Variants in TMEM68 observed in about 807,000 individuals in gnomAD.
TMEM68 encodes the protein transmembrane protein 68.
TMEM68 carries 25 observed loss-of-function variants against 36.9 expected under a neutral mutation model. The observed-to-expected ratio is 0.68, with a 90% confidence interval of 0.49 to 0.95. TMEM68 has a LOEUF of 0.95. Ranked by LOEUF, TMEM68 falls within the 40% of genes least tolerant of loss-of-function variation. TMEM68 has a pLI of 0.00. For synonymous variants in TMEM68, 131 were observed against 124.4 expected (o/e 1.05, Z -0.35); for missense variants, 333 against 392.0 (o/e 0.85, Z 1.27).
At chr8:55,771,149 C>T (rs571735606) in intron 1 of TMEM68, among the ~76,000 whole-genome samples, 4 of 145,364 alleles carry the variant, frequency 2.8e-5, no homozygotes, top group African/African-American at 5.0e-5. Flanking sequence ...AATGAATCTC[C>T]GTCTCCAAAA....
In TMEM68 at chr8:55,759,309, G is replaced by A. The variant is rs140781145; in HGVS notation, c.326-2898C>T. ...ATACAGTCCGGGCACAGTGGCTCGT[G>A]CCTATAATACCAGCACTTTGGGAGG... On this transcript the variant is annotated intron_variant, in intron 3 of 7. Transcript: ENST00000434581. Among the ~76,000 whole-genome samples, 461 of 151,698 alleles carry A rather than the reference G, an allele frequency of 3.0e-3. 2 individuals carry two copies. The highest frequency in any genetic ancestry group is 0.011 in the African/African-American group (442 of 41,364).
chr8:55,764,754 C>T (rs529481252), intron 1 of TMEM68, among the ~76,000 whole-genome samples: 2 of 152,182 alleles, frequency 1.3e-5, no homozygotes, highest in East Asian at 3.9e-4. Context: ...TTATTTACAT[C>T]ATCATCTAAT....
intron 1 of TMEM68, among the ~76,000 whole-genome samples, chr8:55,771,256 TAATA>T (rs1811148784): frequency 6.6e-6 from 1 of 152,022 alleles, no homozygotes; most frequent in Admixed American, 6.6e-5. Flanking sequence ...TTTCAAAAAC[TAATA>T]AATCAGAACA....
chr8:55,763,107 A>T (rs1196403930), intron 2 of TMEM68, 79 bp from the exon 3 acceptor site: 1 of 810,956 alleles, frequency 1.2e-6, no homozygotes, highest in Admixed American at 3.6e-5. Context: ...AATAGCATAT[A>T]GAGTCATTTC....
chr8:55,762,480 A>C (rs1029336709), intron 3 of TMEM68, 155 bp downstream of exon 3: 61 of 1,401,974 alleles, frequency 4.4e-5, no homozygotes, highest in Non-Finnish European at 4.6e-5. Flanking sequence ...AGACACATAC[A>C]TATGCACAAT....
At chr8:55,758,034 A>T (rs1810659657) in intron 3 of TMEM68, among the ~76,000 whole-genome samples, 1 of 151,918 alleles carries the variant, frequency 6.6e-6, no homozygotes, top group African/African-American at 2.4e-5. Flanking sequence ...GTCCCCAAGT[A>T]CCCCCATGTG....
At chr8:55,752,971 T>C (rs567097364) in intron 4 of TMEM68, among the ~76,000 whole-genome samples, 5 of 152,128 alleles carry the variant, frequency 3.3e-5, no homozygotes, top group African/African-American at 1.2e-4. Context: ...GCTCCAGCAA[T>C]CCTACTGCCT....
intron 5 of TMEM68, chr8:55,746,388 G>C (rs1810280533): frequency 7.1e-6 from 1 of 140,718 alleles, no homozygotes; most frequent in Non-Finnish European, 1.5e-5. Flanking sequence ...ATAAGTTCAT[G>C]ATTTTTATTC....
intron 6 of TMEM68, among the ~76,000 whole-genome samples, chr8:55,744,396 C>T (rs1430939217): frequency 6.2e-5 from 9 of 145,418 alleles, no homozygotes; most frequent in Non-Finnish European, 1.2e-4. Flanking sequence ...AGCTCCTCCT[C>T]CCTGGTTCAC....
intron 3 of TMEM68, among the ~76,000 whole-genome samples, chr8:55,759,077 G>A (rs565443283): frequency 2.0e-5 from 3 of 151,966 alleles, no homozygotes; most frequent in Admixed American, 6.6e-5. Flanking sequence ...GAGATAACAT[G>A]ACCTACAGTA....
At chr8:55,749,398 A>G (rs1335004054) in intron 5 of TMEM68, among the ~76,000 whole-genome samples, 1 of 152,196 alleles carries the variant, frequency 6.6e-6, no homozygotes, top group Non-Finnish European at 1.5e-5. Context: ...TTTTGTTCAC[A>G]GCTTATAATT....
intron 3 of TMEM68, among the ~76,000 whole-genome samples, chr8:55,758,261 C>T (rs1250179315): frequency 6.6e-6 from 1 of 152,202 alleles, no homozygotes; most frequent in African/African-American, 2.4e-5. Flanking sequence ...AAATCCAGTT[C>T]ACTCAGTAGA....
chr8:55,757,533 TG>T (rs535014033), intron 3 of TMEM68, among the ~76,000 whole-genome samples: 200 of 152,226 alleles, frequency 1.3e-3, no homozygotes, highest in African/African-American at 4.5e-3. Context: ...ACTCACTTCC[TG>T]GAAGTTTATC....
intron 1 of TMEM68, among the ~76,000 whole-genome samples, chr8:55,765,958 C>A (rs909880164): frequency 2.0e-5 from 3 of 152,138 alleles, no homozygotes; most frequent in Admixed American, 2.0e-4. Flanking sequence ...TCCTCAGCAG[C>A]AAATAAAGCA....
At chr8:55,763,713 A>T (rs1810876300) in intron 2 of TMEM68, 2 of 40,942 alleles carry the variant, frequency 4.9e-5, no homozygotes, top group Non-Finnish European at 1.4e-4. Context: ...TGCACAAAAG[A>T]AAACATCAAT....
chr8:55,760,545 G>C (rs1039144789), intron 3 of TMEM68, among the ~76,000 whole-genome samples: 1 of 152,196 alleles, frequency 6.6e-6, no homozygotes, highest in African/African-American at 2.4e-5. Context: ...GAAGACAAAA[G>C]TAAAGTCCAG....
At chr8:55,740,534 A>G (rs1022258334) in intron 7 of TMEM68, among the ~76,000 whole-genome samples, 17 of 152,092 alleles carry the variant, frequency 1.1e-4, no homozygotes, top group Non-Finnish European at 2.4e-4. Flanking sequence ...TCTATTTTCT[A>G]TATCAGACTG....
At chr8:55,740,743 A>G (rs1452375598) in intron 7 of TMEM68, among the ~76,000 whole-genome samples, 1 of 151,908 alleles carries the variant, frequency 6.6e-6, no homozygotes, top group African/African-American at 2.4e-5. Context: ...CTGAACAATT[A>G]TATCAGGGTC....
At chr8:55,771,728 G>A (rs768394422) in intron 1 of TMEM68, among the ~76,000 whole-genome samples, 1 of 152,120 alleles carries the variant, frequency 6.6e-6, no homozygotes, top group Non-Finnish European at 1.5e-5. Context: ...TTCTGAAAAT[G>A]CCAATTAAAA....
Sources: allele counts gnomAD v4.1 joint callset (sites outside exome capture counted in the v4.1 genomes callset), GRCh38; gene constraint gnomAD v4.1.1; transcripts MANE v1.5; gene names NCBI Gene and HGNC (gene_info 2026-07-23, HGNC 2026-07-21).